The following MYT1L variants were observed in gnomAD, a reference collection of about 807,000 sequenced individuals.
MYT1L encodes the protein myelin transcription factor 1 like.
Under a neutral mutation model 126.7 loss-of-function variants are expected in MYT1L, and 12 were observed. The ratio of observed to expected loss-of-function variants is 0.09; its 90% CI spans 0.06 to 0.15. MYT1L has a LOEUF of 0.15. MYT1L is among the 10% of genes least tolerant of loss of function. The pLI, the probability that MYT1L is intolerant of heterozygous loss-of-function variation, is 1.00. For synonymous variants in MYT1L, 541 were observed against 604.2 expected (o/e 0.90, Z 1.53); for missense variants, 979 against 1,585.2 (o/e 0.62, Z 6.49).
chr2:2,305,415 TA>T (rs1285597858), intron 1 of MYT1L, among the ~76,000 whole-genome samples: 5 of 152,202 alleles, frequency 3.3e-5, no homozygotes, highest in African/African-American at 4.8e-5. Context: ...CTCTTTTCCC[TA>T]AAAAAGTTAA....
At chr2:1,891,084 T>C (rs1396613441) in intron 15 of MYT1L, among the ~76,000 whole-genome samples, 12 of 152,182 alleles carry the variant, frequency 7.9e-5, no homozygotes, top group Admixed American at 7.9e-4. Context: ...CCATGAAAAC[T>C]GCATGCACCT....
intron 3 of MYT1L, among the ~76,000 whole-genome samples, chr2:2,149,431 A>ATT (rs2085393355): frequency 6.6e-6 from 1 of 152,370 alleles, no homozygotes; most frequent in East Asian, 1.9e-4. Context: ...AAATGAGGAA[A>ATT]GCAATGGGGA....
At chr2:1,833,987 G>A (rs2148316412) in intron 21 of MYT1L, among the ~76,000 whole-genome samples, 1 of 152,322 alleles carries the variant, frequency 6.6e-6, no homozygotes, top group East Asian at 1.9e-4. Flanking sequence ...GGCCGGGAGT[G>A]GGCTGGGCAT....
intron 2 of MYT1L, among the ~76,000 whole-genome samples, chr2:2,202,099 A>T (rs1180572375): frequency 6.6e-6 from 1 of 152,104 alleles, no homozygotes; most frequent in Non-Finnish European, 1.5e-5. Context: ...ACATACCAGA[A>T]TCTCTGGGAC....
At chr2:2,148,286 G>T (rs1049811182) in intron 3 of MYT1L, among the ~76,000 whole-genome samples, 2 of 152,150 alleles carry the variant, frequency 1.3e-5, no homozygotes, top group African/African-American at 4.8e-5. Context: ...GGATGGTTTC[G>T]GGATGAAACT....
intron 4 of MYT1L, among the ~76,000 whole-genome samples, chr2:2,015,226 C>T (rs935555461): frequency 6.6e-6 from 1 of 152,152 alleles, no homozygotes; most frequent in African/African-American, 2.4e-5. Flanking sequence ...ACACGGCCTC[C>T]GAGGAGTCTC....
chr2:2,021,024 C>A (rs2064978277), intron 4 of MYT1L, among the ~76,000 whole-genome samples: 1 of 152,184 alleles, frequency 6.6e-6, no homozygotes, highest in Non-Finnish European at 1.5e-5. Context: ...TCCCTCTCTG[C>A]TTAGTAAGTG....
intron 2 of MYT1L, among the ~76,000 whole-genome samples, chr2:2,194,476 T>C (rs1474206082): frequency 6.6e-6 from 1 of 152,196 alleles, no homozygotes; most frequent in East Asian, 1.9e-4. Flanking sequence ...CCTTTAGAAG[T>C]GTTACATACA....
intron 9 of MYT1L, among the ~76,000 whole-genome samples, chr2:1,931,212 G>A (rs902578263): frequency 6.6e-6 from 1 of 152,198 alleles, no homozygotes; most frequent in East Asian, 1.9e-4. Context: ...CTCATCTGCC[G>A]TGGCAGACAG....
intron 14 of MYT1L, among the ~76,000 whole-genome samples, chr2:1,900,729 G>A (rs1338097133): frequency 1.3e-5 from 2 of 152,196 alleles, no homozygotes; most frequent in Non-Finnish European, 2.9e-5. Flanking sequence ...ACAAATAAGT[G>A]GAGGGCCGGC....
intron 3 of MYT1L, among the ~76,000 whole-genome samples, chr2:2,146,250 G>C (rs1016972474): frequency 2.6e-5 from 4 of 152,190 alleles, no homozygotes; most frequent in African/African-American, 9.7e-5. Flanking sequence ...GAAGAAAACA[G>C]GTATATGGAT....
intron 18 of MYT1L, 114 bp downstream of exon 18, chr2:1,886,425 G>A (rs534315344): frequency 4.1e-4 from 293 of 708,524 alleles, no homozygotes; most frequent in Admixed American, 1.4e-3. Context: ...GCACTGGGGT[G>A]CACAGGCCAT....
intron 3 of MYT1L, among the ~76,000 whole-genome samples, chr2:2,124,897 A>C (rs1467018597): frequency 3.9e-5 from 6 of 152,210 alleles, no homozygotes; most frequent in Non-Finnish European, 8.8e-5. Flanking sequence ...GGCCTCTCCC[A>C]GCCACGGTTT....
chr2:1,925,421 A>G (rs554044014), intron 9 of MYT1L, among the ~76,000 whole-genome samples: 78 of 152,294 alleles, frequency 5.1e-4, no homozygotes, highest in African/African-American at 1.8e-3. Flanking sequence ...CATTCTCCAC[A>G]TTCCAAATCT....
intron 1 of MYT1L, chr2:2,326,496 G>C (rs2096247546): frequency 6.6e-6 from 1 of 152,216 alleles, no homozygotes; most frequent in Non-Finnish European, 1.5e-5. Flanking sequence ...AGCTTTAAGA[G>C]AATGTCCTGT....
rs80347613 is a variant in MYT1L at position 2,143,923 on chromosome 2, G to A, written c.-304+28949C>T. Among the ~76,000 whole-genome samples, 40 of 150,266 alleles carry A rather than the reference G, an allele frequency of 2.7e-4. No individual in the cohort carries two copies. In the East Asian group the frequency reaches 3.4e-3, roughly 13 times the overall value. On this transcript the variant is annotated intron_variant, in intron 3 of 24. Coordinates refer to ENST00000647738, the MANE Select transcript of MYT1L (RefSeq NM_001303052.2). ...GGGAATGAAACACCGGATACTCGTC[G>A]GCATAAAGATGGGAGCAATAGACGC... is the stretch of plus-strand genomic sequence containing the variant.
chr2:2,265,610 T>C (rs967334989), intron 2 of MYT1L, among the ~76,000 whole-genome samples: 1 of 152,104 alleles, frequency 6.6e-6, no homozygotes, highest in African/African-American at 2.4e-5. Flanking sequence ...ACCCGCGGCA[T>C]GGGAAGAACT....
chr2:1,998,629 G>A (rs1222858781), intron 4 of MYT1L, among the ~76,000 whole-genome samples: 2 of 152,112 alleles, frequency 1.3e-5, no homozygotes, highest in African/African-American at 4.8e-5. Flanking sequence ...AACCTCAGAA[G>A]GTTAAAAATC....
intron 8 of MYT1L, among the ~76,000 whole-genome samples, chr2:1,962,023 C>A (rs1357770551): frequency 6.6e-6 from 1 of 152,180 alleles, no homozygotes; most frequent in African/African-American, 2.4e-5. Context: ...CTGACTTGAT[C>A]TCCACGAATT....
Sources: gnomAD v4.1 joint callset for allele counts (sites outside exome capture counted in the v4.1 genomes callset) on GRCh38, gnomAD v4.1.1 for gene constraint, MANE v1.5 for transcripts, NCBI Gene and HGNC (gene_info 2026-07-23, HGNC 2026-07-21) for gene names.